Variants in C10orf90 observed in about 807,000 individuals in gnomAD.
C10orf90 encodes chromosome 10 open reading frame 90.
Under a neutral mutation model 62.5 loss-of-function variants are expected in C10orf90, and 56 were observed. That is an observed-to-expected ratio of 0.90 (90% CI 0.72 to 1.12). The LOEUF (loss-of-function observed/expected upper bound fraction) is 1.12. Among genes scored for constraint, C10orf90 ranks in the 50% most tolerant of loss-of-function variants. C10orf90 has a pLI of 0.00. For synonymous variants in C10orf90, 386 were observed against 340.4 expected (o/e 1.13, Z -1.47); for missense variants, 970 against 880.4 (o/e 1.10, Z -1.29).
intron 2 of C10orf90, among the ~76,000 whole-genome samples, chr10:126,548,377 T>C (rs915121738): frequency 6.6e-6 from 1 of 152,118 alleles, no homozygotes; most frequent in Non-Finnish European, 1.5e-5. Flanking sequence ...ACCCCATCTT[T>C]TTTTTTTAGA....
intron 6 of C10orf90, among the ~76,000 whole-genome samples, chr10:126,461,106 T>G (rs575268359): frequency 3.3e-5 from 5 of 152,168 alleles, no homozygotes; most frequent in Non-Finnish European, 7.4e-5. Context: ...GAGGCACTGA[T>G]GCCTAGGAAG....
chr10:126,507,083 T>C (rs533452489), intron 3 of C10orf90, among the ~76,000 whole-genome samples: 11 of 152,076 alleles, frequency 7.2e-5, no homozygotes, highest in African/African-American at 2.4e-4. Context: ...TGGGGCTGGG[T>C]GCGGTGGCTC....
intron 2 of C10orf90, among the ~76,000 whole-genome samples, chr10:126,542,258 T>A (rs575247976): frequency 2.0e-5 from 3 of 152,208 alleles, no homozygotes; most frequent in Admixed American, 2.0e-4. Flanking sequence ...ATCCCAGCAC[T>A]TTGGGAGGTA....
chr10:126,598,050 A>G (rs1389590254), intron 2 of C10orf90, among the ~76,000 whole-genome samples: 1 of 152,160 alleles, frequency 6.6e-6, no homozygotes, highest in Non-Finnish European at 1.5e-5. Flanking sequence ...GGGCATCCAG[A>G]TACCCTATTT....
intron 2 of C10orf90, among the ~76,000 whole-genome samples, chr10:126,644,799 T>C (rs538298563): frequency 3.3e-5 from 5 of 152,292 alleles, no homozygotes; most frequent in Admixed American, 6.5e-5. Context: ...CTGAGTGCTC[T>C]GAGGAAAACA....
intron 2 of C10orf90, among the ~76,000 whole-genome samples, chr10:126,630,975 G>A (rs1045404014): frequency 3.3e-5 from 5 of 152,134 alleles, no homozygotes; most frequent in East Asian, 3.9e-4. Flanking sequence ...GGGAGATTCC[G>A]CGTGGAGCAG....
At chr10:126,446,858 TA>T (rs1858819820) in intron 7 of C10orf90, among the ~76,000 whole-genome samples, 2 of 152,144 alleles carry the variant, frequency 1.3e-5, no homozygotes, top group Middle Eastern at 3.4e-3. Flanking sequence ...TAAAAATATG[TA>T]AACTGTAAAA....
chr10:126,580,650 C>T (rs1379742235), intron 2 of C10orf90, among the ~76,000 whole-genome samples: 3 of 92,700 alleles, frequency 3.2e-5, no homozygotes, highest in Admixed American at 1.0e-4. Flanking sequence ...GAGGCTCTGT[C>T]TCAAAAAAAA....
intron 2 of C10orf90, among the ~76,000 whole-genome samples, chr10:126,619,769 A>G (rs1206150292): frequency 6.6e-6 from 1 of 152,162 alleles, no homozygotes; most frequent in East Asian, 1.9e-4. Context: ...CATTCTAAGT[A>G]GCTGGAACTA....
chr10:126,548,774 A>G (rs886544438), intron 2 of C10orf90, among the ~76,000 whole-genome samples: 5 of 144,282 alleles, frequency 3.5e-5, no homozygotes, highest in African/African-American at 1.3e-4. Context: ...ACGGAGTCTC[A>G]CTCTGTCGCC....
At chr10:126,591,352 T>C (rs1332989836) in intron 2 of C10orf90, among the ~76,000 whole-genome samples, 1 of 152,186 alleles carries the variant, frequency 6.6e-6, no homozygotes, top group East Asian at 1.9e-4. Context: ...TCGACCATAA[T>C]CAAGTTGGCT....
intron 2 of C10orf90, among the ~76,000 whole-genome samples, chr10:126,623,092 G>A (rs1320430066): frequency 6.6e-6 from 1 of 152,296 alleles, no homozygotes. Context: ...GCAGCTCTAA[G>A]AACTGTCGGA....
chr10:126,442,631 GTGTATA>G (rs1307231187), intron 7 of C10orf90, among the ~76,000 whole-genome samples: 2 of 91,864 alleles, frequency 2.2e-5, no homozygotes, highest in Admixed American at 1.2e-4. Flanking sequence ...TATTGTGTGT[GTGTATA>G]TATATATATA....
intron 2 of C10orf90, among the ~76,000 whole-genome samples, chr10:126,637,987 A>G (rs1438881168): frequency 1.3e-5 from 2 of 152,170 alleles, no homozygotes; most frequent in African/African-American, 4.8e-5. Context: ...ATGGTGAGGA[A>G]GCAAATCAGA....
intron 3 of C10orf90, among the ~76,000 whole-genome samples, chr10:126,508,214 G>A (rs1591039152): frequency 6.7e-6 from 1 of 149,962 alleles, no homozygotes; most frequent in Admixed American, 6.7e-5. Context: ...TGTTGGTGGG[G>A]AGGACATGTT....
intron 2 of C10orf90, among the ~76,000 whole-genome samples, chr10:126,633,490 G>T (rs1483920124): frequency 6.6e-6 from 1 of 152,224 alleles, no homozygotes; most frequent in Non-Finnish European, 1.5e-5. Flanking sequence ...AGAAAGATTT[G>T]GGGAAGGAGG....
intron 9 of C10orf90, 40 bp from the exon 10 acceptor site, chr10:126,425,942 G>A (rs767621530): frequency 8.1e-6 from 13 of 1,613,798 alleles, no homozygotes; most frequent in South Asian, 2.2e-5. Context: ...GTTGAGATTC[G>A]GCATCTGTGC....
At position 126,650,493 on chromosome 10, in the gene C10orf90, A is replaced by G. The variant is rs999199320; in HGVS notation, c.241-3856T>C. Among the ~76,000 whole-genome samples, 4 of 152,164 alleles carry G rather than the reference A, an allele frequency of 2.6e-5. No individual in the cohort carries two copies. In the East Asian group the frequency reaches 7.7e-4, roughly 29 times the overall value. Reference sequence around the variant, plus strand: ...GTGATCATTATTATTTCCACTTTACAGAGCTGGAAAGTGAGGCACAAAGAG... The same window carrying G: ...GTGATCATTATTATTTCCACTTTACGGAGCTGGAAAGTGAGGCACAAAGAG... On this transcript the variant is annotated intron_variant, in intron 1 of 9. Coordinates refer to ENST00000488181, the MANE Select transcript of C10orf90 (RefSeq NM_001350921.2).
In C10orf90 at chr10:126,626,998, TTC is replaced by T. The variant is rs1275988809; in HGVS notation, c.313+19565_313+19566del. 9.0e-4 allele frequency among the ~76,000 whole-genome samples: 99 copies of T among 110,232 alleles called. No individual in the cohort carries two copies. The South Asian group carries it at 0.023, about 25-fold the overall frequency. 72.3% of individuals were successfully genotyped at this position (110,232 alleles called of 152,430 possible). Reference sequence around the variant, plus strand: ...TTAGATTTTTCTTTTTCTTTTTCTTTTCTTTTTTTTTTTTTTTTTGAGACGTA... The same window carrying T: ...TTAGATTTTTCTTTTTCTTTTTCTTTTTTTTTTTTTTTTTTTTGAGACGTA... On this transcript the variant is annotated intron_variant, in intron 2 of 9. Coordinates refer to ENST00000488181, the MANE Select transcript of C10orf90 (RefSeq NM_001350921.2).
Sources: gnomAD v4.1 joint callset for allele counts (sites outside exome capture counted in the v4.1 genomes callset) on GRCh38, gnomAD v4.1.1 for gene constraint, MANE v1.5 for transcripts, NCBI Gene and HGNC (gene_info 2026-07-23, HGNC 2026-07-21) for gene names.